SLC25A26: variants seen among roughly 807,000 people sequenced by gnomAD.
The protein encoded by SLC25A26 is mitochondrial S-adenosylmethionine carrier protein.
SLC25A26 carries 36 observed loss-of-function variants against 37.8 expected under a neutral mutation model. The ratio of observed to expected loss-of-function variants is 0.95; its 90% CI spans 0.73 to 1.26. The LOEUF is 1.26. Among genes scored for constraint, SLC25A26 ranks in the 50% most tolerant of loss-of-function variants. The probability of loss-of-function intolerance (pLI) is 0.00; values close to 1 mark genes in which losing one functional copy is unlikely to be tolerated. For missense variants in SLC25A26, 390 were observed against 331.1 expected (o/e 1.18, Z -1.38); for synonymous variants, 129 against 122.5 (o/e 1.05, Z -0.35).
intron 1 of SLC25A26, among the ~76,000 whole-genome samples, chr3:66,205,265 C>T (rs1265438753): frequency 5.9e-5 from 9 of 152,078 alleles, no homozygotes; most frequent in Non-Finnish European, 1.0e-4. Flanking sequence ...AGAGTTTATT[C>T]CTTTATGGAA....
At chr3:66,317,973 A>G (rs1490236950) in intron 5 of SLC25A26, among the ~76,000 whole-genome samples, 1 of 152,168 alleles carries the variant, frequency 6.6e-6, no homozygotes, top group Admixed American at 6.5e-5. Flanking sequence ...GTGGCAGGGG[A>G]AAACAGCCAA....
chr3:66,145,030 A>G (rs1190336829), intron 1 of SLC25A26, among the ~76,000 whole-genome samples: 1 of 152,198 alleles, frequency 6.6e-6, no homozygotes, highest in Non-Finnish European at 1.5e-5. Context: ...GAGTCAGAGA[A>G]ATGATGCATG....
chr3:66,187,359 T>A (rs2070848682), intron 1 of SLC25A26, among the ~76,000 whole-genome samples: 1 of 152,034 alleles, frequency 6.6e-6, no homozygotes, highest in Non-Finnish European at 1.5e-5. Flanking sequence ...GAATTGGACC[T>A]TTATGATGAC....
intron 1 of SLC25A26, among the ~76,000 whole-genome samples, chr3:66,184,596 G>GAGTTTACTATGTATTACATGCTCACCTTT (rs2070784300): frequency 6.6e-6 from 1 of 152,246 alleles, no homozygotes; most frequent in Non-Finnish European, 1.5e-5. Flanking sequence ...TGCTCACCTT[G>GAGTTTACTATGTATTACATGCTCACCTTT]AGTTTACTAT....
At chr3:66,219,695 T>C (rs923415242), upstream of SLC25A26, among the ~76,000 whole-genome samples, 3 of 152,308 alleles carry the variant, frequency 2.0e-5, no homozygotes, top group African/African-American at 4.8e-5. Context: ...GTGTATACCA[T>C]GCTAGGGAGC....
intron 1 of SLC25A26, among the ~76,000 whole-genome samples, chr3:66,172,177 G>C (rs1163703288): frequency 6.6e-6 from 1 of 152,066 alleles, no homozygotes; most frequent in Non-Finnish European, 1.5e-5. Context: ...TTAGAAGGTG[G>C]AGGCAGGAGG....
intron 1 of SLC25A26, among the ~76,000 whole-genome samples, chr3:66,158,902 G>A (rs2070319717): frequency 6.6e-6 from 1 of 152,028 alleles, no homozygotes; most frequent in Non-Finnish European, 1.5e-5. Flanking sequence ...AGGATGCACT[G>A]GGATCCAAGT....
Position 66,271,926 on chromosome 3 carries a change from T to A in SLC25A26, c.453+8547T>A, listed in dbSNP as rs559021627. Among the ~76,000 whole-genome samples the A allele has an allele frequency of 4.6e-5, 7 of 152,272 alleles. No individual in the cohort carries two copies. The East Asian group carries it at 1.3e-3, about 29-fold the overall frequency. ...TGGGCACTAGTGTAGAAACTCATCTTTAAAAATTATTTGGTGGTCTCACTG... is the reference window on the plus strand; with the variant it reads ...TGGGCACTAGTGTAGAAACTCATCTATAAAAATTATTTGGTGGTCTCACTG... On this transcript the variant is annotated intron_variant, in intron 5 of 9. Coordinates refer to ENST00000354883, the MANE Select transcript of SLC25A26 (RefSeq NM_001379210.1).
chr3:66,265,759 ATTAG>A (rs2073722568), intron 5 of SLC25A26, among the ~76,000 whole-genome samples: 1 of 152,132 alleles, frequency 6.6e-6, no homozygotes, highest in Non-Finnish European at 1.5e-5. Context: ...ATGTTTCAAA[ATTAG>A]TTAATTGTGT....
intron 5 of SLC25A26, among the ~76,000 whole-genome samples, chr3:66,287,782 G>A (rs747991172): frequency 2.0e-5 from 3 of 152,110 alleles, no homozygotes; most frequent in Admixed American, 1.3e-4. Flanking sequence ...TGTTTACTTT[G>A]TGCTGAAATA....
At chr3:66,230,364 G>T (rs1248728523) in intron 1 of SLC25A26, among the ~76,000 whole-genome samples, 1 of 152,160 alleles carries the variant, frequency 6.6e-6, no homozygotes, top group African/African-American at 2.4e-5. Flanking sequence ...GGAAAATTGG[G>T]AAAGGCTTTA....
chr3:66,238,981 C>G (rs998256556), intron 2 of SLC25A26, among the ~76,000 whole-genome samples: 4 of 152,170 alleles, frequency 2.6e-5, no homozygotes, highest in South Asian at 4.2e-4. Context: ...TTTATGGTAC[C>G]AATCCTTTCA....
chr3:66,164,096 G>T (rs1313009146), intron 1 of SLC25A26, among the ~76,000 whole-genome samples: 4 of 152,084 alleles, frequency 2.6e-5, no homozygotes. Flanking sequence ...TATATTCCAG[G>T]CCTATTGTAG....
At chr3:66,358,274 A>T (rs2076622087) in intron 6 of SLC25A26, among the ~76,000 whole-genome samples, 2 of 152,162 alleles carry the variant, frequency 1.3e-5, no homozygotes, top group African/African-American at 4.8e-5. Flanking sequence ...TTGTTGTTTT[A>T]TGAGTTTAAG....
At chr3:66,228,959 C>T (rs1345630277) in intron 1 of SLC25A26, among the ~76,000 whole-genome samples, 1 of 152,086 alleles carries the variant, frequency 6.6e-6, no homozygotes, top group African/African-American at 2.4e-5. Flanking sequence ...GCTTTTAATT[C>T]ATTATTGCTA....
intron 6 of SLC25A26, among the ~76,000 whole-genome samples, chr3:66,352,855 G>T (rs528887457): frequency 6.6e-6 from 1 of 152,016 alleles, no homozygotes; most frequent in Non-Finnish European, 1.5e-5. Context: ...TCAGAGAGAC[G>T]TTCCCGGTCT....
At chr3:66,260,202 C>A (rs1006817358) in intron 3 of SLC25A26, among the ~76,000 whole-genome samples, 1 of 152,130 alleles carries the variant, frequency 6.6e-6, no homozygotes, top group Non-Finnish European at 1.5e-5. Context: ...GCCCCACCCC[C>A]CTTTTGGCCA....
intron 1 of SLC25A26, among the ~76,000 whole-genome samples, chr3:66,183,911 T>C (rs1378770938): frequency 1.3e-5 from 2 of 152,016 alleles, no homozygotes; most frequent in East Asian, 3.9e-4. Context: ...ACTTATCTAA[T>C]GTTGACTCTG....
intron 6 of SLC25A26, among the ~76,000 whole-genome samples, chr3:66,353,706 G>A (rs924406312): frequency 4.6e-5 from 7 of 152,206 alleles, no homozygotes; most frequent in South Asian, 2.1e-4. Context: ...CCCAGTATCC[G>A]TTGAATCTGC....
Sources: allele counts gnomAD v4.1 joint callset (sites outside exome capture counted in the v4.1 genomes callset), GRCh38; gene constraint gnomAD v4.1.1; transcripts MANE v1.5; gene names NCBI Gene and HGNC (gene_info 2026-07-23, HGNC 2026-07-21).